APBB2: variants seen among roughly 807,000 people sequenced by gnomAD.
The protein encoded by APBB2 is amyloid beta precursor protein binding family B member 2.
A neutral mutation model predicts 82.5 loss-of-function variants in APBB2; 38 were observed. That is an observed-to-expected ratio of 0.46 (90% CI 0.36 to 0.60). The LOEUF (loss-of-function observed/expected upper bound fraction) is 0.60. Among genes scored for constraint, APBB2 ranks in the 20% least tolerant of loss-of-function variants. The pLI is 0.00. For synonymous variants in APBB2, 341 were observed against 368.2 expected (o/e 0.93, Z 0.85); for missense variants, 772 against 972.3 (o/e 0.79, Z 2.74).
chr4:41,030,631 ATTTTT>A (rs899357384), intron 5 of APBB2, among the ~76,000 whole-genome samples: 4 of 151,600 alleles, frequency 2.6e-5, no homozygotes, highest in Non-Finnish European at 4.4e-5. Flanking sequence ...TTCAAAGATA[ATTTTT>A]TTTTAATAGA....
intron 12 of APBB2, among the ~76,000 whole-genome samples, chr4:40,833,161 C>T (rs1468357345): frequency 6.6e-6 from 1 of 152,260 alleles, no homozygotes; most frequent in African/African-American, 2.4e-5. Context: ...TACACCACGT[C>T]TCCCGGCACA....
At chr4:40,858,030 C>T (rs1008866448) in intron 12 of APBB2, among the ~76,000 whole-genome samples, 2 of 152,102 alleles carry the variant, frequency 1.3e-5, no homozygotes, top group South Asian at 2.1e-4. Flanking sequence ...GTAATCCCTA[C>T]CTCTTTTAAG....
In APBB2 at chr4:40,903,360, G is replaced by A. The variant is rs58302632; in HGVS notation, c.1255-9949C>T. 5.3e-3 allele frequency among the ~76,000 whole-genome samples: 809 copies of A among 152,214 alleles called. 7 individuals are homozygous for A. Among genetic ancestry groups the A allele is most frequent in the African/African-American group, 0.018 (763 of 41,522 alleles). On this transcript the variant is annotated intron_variant, in intron 10 of 17. Transcript: ENST00000508593. Reference sequence around the variant, plus strand: ...CAGGTGCCTGTAATCCCAGCTATTCGGGAGGCTAAGGCAGGAGACTTGCTT... The same window carrying A: ...CAGGTGCCTGTAATCCCAGCTATTCAGGAGGCTAAGGCAGGAGACTTGCTT...
intron 1 of APBB2, among the ~76,000 whole-genome samples, chr4:41,173,074 C>T (rs769191722): frequency 6.6e-6 from 1 of 152,210 alleles, no homozygotes; most frequent in Non-Finnish European, 1.5e-5. Context: ...GAAATTCAGA[C>T]TCTTTCTCCA....
chr4:40,835,912 G>A (rs2437339), intron 12 of APBB2, among the ~76,000 whole-genome samples: 121,649 of 152,122 alleles, frequency 0.8, 49,252 homozygotes, highest in African/African-American at 0.91. Flanking sequence ...TGAGGGAGGC[G>A]ATTAAGAATA....
At chr4:41,015,948 A>G (rs1480594253) in intron 5 of APBB2, among the ~76,000 whole-genome samples, 1 of 152,214 alleles carries the variant, frequency 6.6e-6, no homozygotes, top group Non-Finnish European at 1.5e-5. Flanking sequence ...AATTTTTATT[A>G]CCATTTGGCT....
intron 2 of APBB2, among the ~76,000 whole-genome samples, chr4:41,129,631 GT>G (rs1755403332): frequency 6.6e-6 from 1 of 152,078 alleles, no homozygotes; most frequent in African/African-American, 2.4e-5. Flanking sequence ...TTAATTTTCA[GT>G]GTCTGACATG....
Position 40,879,991 on chromosome 4 carries a change from A to G in APBB2, c.1529+10373T>C, listed in dbSNP as rs572436979. The G allele has an allele frequency of 2.4e-5, 24 of 984,880 alleles. No homozygotes were observed. In the African/African-American group the frequency reaches 3.7e-4, roughly 15 times the overall value. 61.0% of individuals were successfully genotyped at this position (984,880 alleles called of 1,614,324 possible). On this transcript the variant is annotated intron_variant, in intron 12 of 17. Coordinates refer to ENST00000508593, the MANE Select transcript of APBB2 (RefSeq NM_004307.2). ...ACAGGCATGAGCCACTGCACCCAGC[A>G]GACCCAGGACAATATTTCAAGGAAA...
chr4:40,982,295 AAG>A lies in APBB2; in HGVS notation c.835+31286_835+31287del, dbSNP rs1798923750. ...GAAAGAAAGAAAGAAGGAAGGAAGG[AAG>A]GAAGGAAGGAAAGAAAGAAAGAAAG... is the stretch of plus-strand genomic sequence containing the variant. On this transcript the variant is annotated intron_variant, in intron 6 of 17. Coordinates refer to ENST00000508593, the MANE Select transcript of APBB2 (RefSeq NM_004307.2). 2.3e-4 allele frequency among the ~76,000 whole-genome samples: 10 copies of A among 42,762 alleles called. 3 individuals carry two copies. The highest frequency in any genetic ancestry group is 1.3e-3 in the African/African-American group (10 of 7,942). 28.1% of individuals were successfully genotyped at this position (42,762 alleles called of 152,430 possible).
chr4:40,903,428 C>A (rs1033749136), intron 10 of APBB2, among the ~76,000 whole-genome samples: 3 of 152,174 alleles, frequency 2.0e-5, no homozygotes, highest in Admixed American at 6.5e-5. Context: ...GATCGTGCCA[C>A]TGCACTCCAG....
intron 1 of APBB2, among the ~76,000 whole-genome samples, chr4:41,156,224 A>T (rs1462103882): frequency 1.3e-5 from 2 of 152,254 alleles, no homozygotes; most frequent in African/African-American, 2.4e-5. Context: ...GAAGAAAAGG[A>T]GAACAGGACG....
chr4:40,902,236 T>A (rs996516178), intron 10 of APBB2, among the ~76,000 whole-genome samples: 6 of 152,106 alleles, frequency 3.9e-5, no homozygotes, highest in East Asian at 1.9e-4. Context: ...TCCAAGGAGG[T>A]TAGACAGCAG....
intron 10 of APBB2, among the ~76,000 whole-genome samples, chr4:40,903,446 AAC>A (rs1449587162): frequency 6.6e-6 from 1 of 152,152 alleles, no homozygotes; most frequent in Non-Finnish European, 1.5e-5. Context: ...CAGCCTGGGC[AAC>A]AGAGTGAGAC....
chr4:41,000,026 C>A (rs1316439194), intron 6 of APBB2, among the ~76,000 whole-genome samples: 43 of 136,412 alleles, frequency 3.2e-4, no homozygotes, highest in African/African-American at 8.6e-4. Context: ...AAAAAAAAAA[C>A]AAACGTGTGT....
At chr4:41,058,309 A>G (rs761070675) in intron 4 of APBB2, among the ~76,000 whole-genome samples, 27 of 151,826 alleles carry the variant, frequency 1.8e-4, no homozygotes, top group Non-Finnish European at 3.2e-4. Flanking sequence ...AAAAAGCAAG[A>G]GCAAGTTACA....
chr4:41,194,875 G>T, intron 1 of APBB2, among the ~76,000 whole-genome samples: 3,531 of 151,726 alleles, frequency 0.023, 73 homozygotes, highest in Non-Finnish European at 0.036. Context: ...TTTTATTTAC[G>T]TAATATTGGA....
intron 2 of APBB2, among the ~76,000 whole-genome samples, chr4:41,107,695 CCA>C (rs1747754576): frequency 6.6e-6 from 1 of 152,160 alleles, no homozygotes; most frequent in Non-Finnish European, 1.5e-5. Context: ...GTAGGTATCG[CCA>C]CAGTCACTAT....
intron 12 of APBB2, among the ~76,000 whole-genome samples, chr4:40,863,576 GAT>G (rs1763308025): frequency 6.6e-6 from 1 of 152,096 alleles, no homozygotes; most frequent in Admixed American, 6.5e-5. Context: ...CAGCATAAAA[GAT>G]TTTCAATGAG....
chr4:40,838,635 A>AT (rs1242732055), intron 12 of APBB2, among the ~76,000 whole-genome samples: 1 of 152,010 alleles, frequency 6.6e-6, no homozygotes, highest in Non-Finnish European at 1.5e-5. Context: ...CGCCTTGCCA[A>AT]TTTTTGTATT....
Sources: allele counts gnomAD v4.1 joint callset (sites outside exome capture counted in the v4.1 genomes callset), GRCh38; gene constraint gnomAD v4.1.1; transcripts MANE v1.5; gene names NCBI Gene and HGNC (gene_info 2026-07-23, HGNC 2026-07-21).